ADAMTSL1: variants seen among roughly 807,000 people sequenced by gnomAD.
ADAMTSL1 encodes the protein ADAMTS like 1, also known as ADAMTS-like protein 1.
In ADAMTSL1, 126 loss-of-function variants were observed where a neutral mutation model predicts 201.8. The observed-to-expected ratio is 0.62, with a 90% CI of 0.54 to 0.72. The LOEUF (loss-of-function observed/expected upper bound fraction) is 0.72, where lower values mean the gene tolerates loss of function less well. Among genes scored for constraint, ADAMTSL1 ranks in the 30% least tolerant of loss-of-function variants. The pLI is 0.00. For synonymous variants in ADAMTSL1, 1,121 were observed against 903.4 expected, an observed-to-expected ratio of 1.24 and a Z score of -4.32; for missense variants, 2,679 against 2,277.8, an observed-to-expected ratio of 1.18 and a Z score of -3.59.
At chr9:18,291,358 A>G (rs1007960140) in intron 2 of ADAMTSL1, among the ~76,000 whole-genome samples, 1 of 152,200 alleles carries the variant, frequency 6.6e-6, no homozygotes, top group Non-Finnish European at 1.5e-5. Flanking sequence ...AACAAAAGCC[A>G]GCTTACAAAC....
chr9:18,229,614 C>T (rs563957190), intron 2 of ADAMTSL1, among the ~76,000 whole-genome samples: 2 of 152,048 alleles, frequency 1.3e-5, no homozygotes, highest in South Asian at 4.2e-4. Context: ...AAAAATTAGA[C>T]TTAAAAAAGC....
intron 2 of ADAMTSL1, among the ~76,000 whole-genome samples, chr9:18,284,808 C>T (rs767309438): frequency 1.1e-4 from 17 of 152,158 alleles, no homozygotes; most frequent in South Asian, 6.2e-4. Flanking sequence ...TTATATATTG[C>T]TGTATTATCT....
At chr9:18,451,145 T>G (rs1390654788) in intron 2 of ADAMTSL1, among the ~76,000 whole-genome samples, 1 of 152,200 alleles carries the variant, frequency 6.6e-6, no homozygotes, top group Non-Finnish European at 1.5e-5. Flanking sequence ...TGCATTCTCC[T>G]GCCGTTCAGT....
chr9:18,453,096 T>C (rs1412783369), intron 2 of ADAMTSL1, among the ~76,000 whole-genome samples: 3 of 152,240 alleles, frequency 2.0e-5, no homozygotes, highest in African/African-American at 7.2e-5. Context: ...CGCACAGCTC[T>C]TGCTCTCTGT....
chr9:18,631,268 G>A (rs1826752509), intron 5 of ADAMTSL1, among the ~76,000 whole-genome samples: 1 of 152,124 alleles, frequency 6.6e-6, no homozygotes, highest in Non-Finnish European at 1.5e-5. Context: ...GGAATGAGGA[G>A]GGCATCTTGT....
intron 1 of ADAMTSL1, among the ~76,000 whole-genome samples, chr9:18,162,582 G>C (rs999601503): frequency 6.6e-6 from 1 of 151,800 alleles, no homozygotes; most frequent in African/African-American, 2.4e-5. Context: ...TTGATGGATT[G>C]AGCATCTTGA....
intron 1 of ADAMTSL1, among the ~76,000 whole-genome samples, chr9:18,495,502 G>A (rs955222588): frequency 6.6e-6 from 1 of 152,214 alleles, no homozygotes; most frequent in African/African-American, 2.4e-5. Context: ...GACTAGGTTG[G>A]TTTGCTTTAC....
intron 13 of ADAMTSL1, among the ~76,000 whole-genome samples, chr9:18,701,212 CTTTT>C (rs35537367): frequency 2.3e-5 from 2 of 87,688 alleles, no homozygotes; most frequent in Non-Finnish European, 4.5e-5. Context: ...CTTTTGGGTT[CTTTT>C]TTTTTTTTTT....
At chr9:17,996,295 C>T (rs996221862) in intron 1 of ADAMTSL1, among the ~76,000 whole-genome samples, 2 of 152,024 alleles carry the variant, frequency 1.3e-5, no homozygotes, top group African/African-American at 4.8e-5. Context: ...GGAACACAGA[C>T]CTTGACTGGC....
intron 3 of ADAMTSL1, among the ~76,000 whole-genome samples, chr9:18,554,946 G>T (rs1821018549): frequency 1.4e-5 from 1 of 71,818 alleles, no homozygotes; most frequent in African/African-American, 3.9e-5. Context: ...TCACAAATAT[G>T]TAAGGAACAT....
intron 17 of ADAMTSL1, among the ~76,000 whole-genome samples, chr9:18,772,804 A>T (rs1288856380): frequency 6.6e-6 from 1 of 152,214 alleles, no homozygotes; most frequent in Non-Finnish European, 1.5e-5. Context: ...GCCACAGCTT[A>T]GGTCTCCTAC....
chr9:18,314,683 T>G (rs1834294751), intron 2 of ADAMTSL1, among the ~76,000 whole-genome samples: 1 of 147,982 alleles, frequency 6.8e-6, no homozygotes, highest in Non-Finnish European at 1.5e-5. Flanking sequence ...ACCGAAAGAG[T>G]GAGCAGCAGC....
At chr9:18,503,365 T>C (rs1317255798) in intron 1 of ADAMTSL1, among the ~76,000 whole-genome samples, 4 of 150,606 alleles carry the variant, frequency 2.7e-5, no homozygotes, top group Admixed American at 1.3e-4. Context: ...GTTTCATTCA[T>C]GTTGAACCTG....
chr9:18,631,115 C>G (rs1245540418), intron 5 of ADAMTSL1, among the ~76,000 whole-genome samples: 1 of 152,258 alleles, frequency 6.6e-6, no homozygotes, highest in East Asian at 1.9e-4. Context: ...TATGTTAAAG[C>G]ATGAAAAGTT....
At chr9:18,869,442 G>A (rs1827750762) in intron 23 of ADAMTSL1, among the ~76,000 whole-genome samples, 1 of 152,150 alleles carries the variant, frequency 6.6e-6, no homozygotes, top group South Asian at 2.1e-4. Flanking sequence ...TCTAGTTTCT[G>A]TTGTCTAATA....
chr9:18,367,584 T>C (rs1011791018), intron 2 of ADAMTSL1, among the ~76,000 whole-genome samples: 8 of 151,946 alleles, frequency 5.3e-5, no homozygotes, highest in African/African-American at 1.9e-4. Context: ...TATAAATATA[T>C]ATATATGATA....
At chr9:18,065,250 T>C (rs1822642452) in intron 1 of ADAMTSL1, among the ~76,000 whole-genome samples, 1 of 152,146 alleles carries the variant, frequency 6.6e-6, no homozygotes, top group Admixed American at 6.5e-5. Flanking sequence ...CATGCAAGGA[T>C]TTCCTGTACA....
chr9:18,735,271 C>T (rs943707612), intron 15 of ADAMTSL1, among the ~76,000 whole-genome samples: 17 of 152,210 alleles, frequency 1.1e-4, no homozygotes, highest in African/African-American at 3.9e-4. Context: ...TCTCCCTCAG[C>T]AGTAAACTCA....
At chr9:18,900,991 G>A (rs557213410) in intron 26 of ADAMTSL1, among the ~76,000 whole-genome samples, 1 of 152,086 alleles carries the variant, frequency 6.6e-6, no homozygotes, top group Non-Finnish European at 1.5e-5. Flanking sequence ...AGAGAGTCTG[G>A]TGCCTCCCTC....
Sources: allele counts gnomAD v4.1 joint callset (sites outside exome capture counted in the v4.1 genomes callset), GRCh38; gene constraint gnomAD v4.1.1; transcripts MANE v1.5; gene names NCBI Gene and HGNC (gene_info 2026-07-23, HGNC 2026-07-21).